The following QTMAN variants were observed in gnomAD, a reference collection of about 807,000 sequenced individuals.
QTMAN encodes the protein queuosine-tRNA mannosyltransferase.
At chr2:144,305,087 T>C in the QTMAN span, among the ~76,000 whole-genome samples, 1 of 152,218 alleles carries the variant, frequency 6.6e-6, no homozygotes, top group African/African-American at 2.4e-5. Context: ...TCTTTTAAAG[T>C]ATAAAGTTTT....
chr2:143,996,107 A>C, the QTMAN span, among the ~76,000 whole-genome samples: 11 of 152,250 alleles, frequency 7.2e-5, no homozygotes, highest in East Asian at 2.1e-3. Context: ...AAATGGGTTA[A>C]AAAAATGTAA....
At chr2:144,114,767 T>C in the QTMAN span, among the ~76,000 whole-genome samples, 3 of 152,172 alleles carry the variant, frequency 2.0e-5, no homozygotes, top group Non-Finnish European at 4.4e-5. Flanking sequence ...TTCTGAGATA[T>C]TGTATAACGG....
At chr2:144,105,546 T>C in the QTMAN span, among the ~76,000 whole-genome samples, 4 of 151,998 alleles carry the variant, frequency 2.6e-5, 1 homozygote. Context: ...AGAAGAGAAG[T>C]TCAGAGAAAA....
chr2:144,255,516 G>C, the QTMAN span, among the ~76,000 whole-genome samples: 3 of 152,130 alleles, frequency 2.0e-5, no homozygotes, highest in Non-Finnish European at 4.4e-5. Context: ...AAATTACCCA[G>C]TCTCGGGTAT....
At chr2:144,178,047 G>A in the QTMAN span, among the ~76,000 whole-genome samples, 14 of 152,250 alleles carry the variant, frequency 9.2e-5, no homozygotes, top group African/African-American at 3.1e-4. Context: ...CAAAGGTAGG[G>A]AACAGGGCTA....
At chr2:144,146,760 T>C in the QTMAN span, among the ~76,000 whole-genome samples, 1 of 151,894 alleles carries the variant, frequency 6.6e-6, no homozygotes, top group Non-Finnish European at 1.5e-5. Context: ...ACAATTTTGA[T>C]AGAATGCCAC....
the QTMAN span, among the ~76,000 whole-genome samples, chr2:143,955,019 T>G: frequency 4.3e-3 from 649 of 152,320 alleles, 1 homozygote; most frequent in Non-Finnish European, 7.1e-3. Context: ...ATAATTTTGC[T>G]TGGCTGAATT....
chr2:144,147,705 A>G, the QTMAN span, among the ~76,000 whole-genome samples: 2 of 151,850 alleles, frequency 1.3e-5, no homozygotes, highest in African/African-American at 4.8e-5. Flanking sequence ...AGTAGCCTTC[A>G]TATGAGTTAT....
At chr2:144,052,146 G>C in the QTMAN span, among the ~76,000 whole-genome samples, 1 of 152,182 alleles carries the variant, frequency 6.6e-6, no homozygotes, top group African/African-American at 2.4e-5. Flanking sequence ...CTGAAGAAAT[G>C]AATGTTATTC....
the QTMAN span, among the ~76,000 whole-genome samples, chr2:143,989,388 A>T: frequency 6.6e-6 from 1 of 152,208 alleles, no homozygotes; most frequent in Admixed American, 6.5e-5. Context: ...AGATAAACAG[A>T]TACTCAAGGA....
chr2:144,177,773 C>T, the QTMAN span, among the ~76,000 whole-genome samples: 3 of 151,972 alleles, frequency 2.0e-5, no homozygotes, highest in African/African-American at 7.3e-5. Flanking sequence ...CAAATGTGAA[C>T]AATATATGCA....
the QTMAN span, among the ~76,000 whole-genome samples, chr2:144,067,952 C>A: frequency 6.6e-6 from 1 of 152,186 alleles, no homozygotes; most frequent in East Asian, 1.9e-4. Context: ...CACATTTTGG[C>A]CTATGTCAAC....
chr2:144,103,311 C>G, the QTMAN span, among the ~76,000 whole-genome samples: 1 of 152,180 alleles, frequency 6.6e-6, no homozygotes, highest in African/African-American at 2.4e-5. Context: ...CACTGGAGCA[C>G]AAGAGGGAGG....
the QTMAN span, among the ~76,000 whole-genome samples, chr2:143,983,716 G>A: frequency 1.3e-5 from 2 of 151,938 alleles, no homozygotes; most frequent in Admixed American, 6.6e-5. Flanking sequence ...CTCGTGATCC[G>A]CCTGCCTCGG....
At chr2:144,058,194 T>C in the QTMAN span, among the ~76,000 whole-genome samples, 1 of 146,814 alleles carries the variant, frequency 6.8e-6, no homozygotes, top group Non-Finnish European at 1.5e-5. Flanking sequence ...AGATGTGCTT[T>C]CTCTCTTTCT....
the QTMAN span, among the ~76,000 whole-genome samples, chr2:144,040,518 G>A: frequency 6.6e-6 from 1 of 152,162 alleles, no homozygotes; most frequent in Middle Eastern, 3.4e-3. Flanking sequence ...CTGTGCACAC[G>A]AAAGGGATCT....
At chr2:143,957,124 T>C in the QTMAN span, 1 of 1,196,822 alleles carries the variant, frequency 8.4e-7, no homozygotes, top group African/African-American at 1.5e-5. Flanking sequence ...TTATTTGAAA[T>C]AACAGCGAAC....
At chr2:144,321,676 C>T in the QTMAN span, among the ~76,000 whole-genome samples, 1 of 152,138 alleles carries the variant, frequency 6.6e-6, no homozygotes, top group Non-Finnish European at 1.5e-5. Context: ...AATCATAGCT[C>T]ACTGCAGCCT....
At chr2:144,160,688 C>G in the QTMAN span, among the ~76,000 whole-genome samples, 1 of 152,066 alleles carries the variant, frequency 6.6e-6, no homozygotes, top group African/African-American at 2.4e-5. Context: ...ATTACAGGGC[C>G]TGGCAGTCAA....
Sources: allele counts gnomAD v4.1 joint callset (sites outside exome capture counted in the v4.1 genomes callset), GRCh38; gene constraint gnomAD v4.1.1; transcripts MANE v1.5; gene names NCBI Gene and HGNC (gene_info 2026-07-23, HGNC 2026-07-21).